CD81: variants seen among roughly 807,000 people sequenced by gnomAD.
The protein encoded by CD81 is CD81 molecule, also known as CD81 antigen.
In CD81, 10 loss-of-function variants were observed where a neutral mutation model predicts 30.1. That is an observed-to-expected ratio of 0.33 (90% CI 0.21 to 0.56). The LOEUF (loss-of-function observed/expected upper bound fraction) is 0.56. Ranked by LOEUF, CD81 falls within the 20% of genes least tolerant of loss-of-function variation. The pLI is 0.89. For missense variants in CD81, 263 were observed against 308.7 expected, an observed-to-expected ratio of 0.85 and a Z score of 1.11; for synonymous variants, 147 against 126.4, an observed-to-expected ratio of 1.16 and a Z score of -1.10.
chr11:2,390,482 A>G lies in CD81; in HGVS notation c.137A>G (p.Tyr46Cys). 6.2e-7 allele frequency: 1 copy of G among 1,612,964 alleles called. No individual in the cohort carries two copies. The highest frequency in any genetic ancestry group is 8.5e-7 in the Non-Finnish European group (1 of 1,179,970). The change falls in exon 2 of 8, where the codon TAT (tyrosine) becomes TGT (cysteine). Residue 46 changes from tyrosine (Y) to cysteine (C), a missense_variant. This residue lies in a region of CD81 where 84 missense variants were observed against 98.2 expected (regional missense o/e 0.86). Coordinates refer to ENST00000263645, the MANE Select transcript of CD81 (RefSeq NM_004356.4). ...RHDPQTTNLL[Y>C]LELGDKPAPN... ...GACCCGCAGACCACCAACCTCCTGT[A>G]TCTGGAGCTGGGAGACAAGCCCGCG... is the stretch of plus-strand genomic sequence containing the variant.
chr11:2,379,414 G>A (rs1849664584), intron 1 of CD81, among the ~76,000 whole-genome samples: 1 of 132,568 alleles, frequency 7.5e-6, no homozygotes, highest in African/African-American at 2.9e-5. Context: ...GGACCTGGGG[G>A]TAGGGGCTGA....
At chr11:2,380,526 C>T (rs1849687302) in intron 1 of CD81, among the ~76,000 whole-genome samples, 2 of 152,286 alleles carry the variant, frequency 1.3e-5, no homozygotes, top group African/African-American at 2.4e-5. Context: ...CATGCACCTG[C>T]GCCCTGACCG....
intron 1 of CD81, among the ~76,000 whole-genome samples, chr11:2,381,013 C>CA (rs1849695903): frequency 6.6e-6 from 1 of 152,236 alleles, no homozygotes; most frequent in African/African-American, 2.4e-5. Flanking sequence ...TTTGGCACGT[C>CA]TTTCGCCGTC....
chr11:2,395,361 TG>T, intron 4 of CD81, 54 bp from the exon 5 acceptor site: 4 of 1,306,894 alleles, frequency 3.1e-6, no homozygotes, highest in Non-Finnish European at 4.3e-6. Flanking sequence ...CGGGGCGGGG[TG>T]GGGGCAAGGA....
Position 2,396,684 on chromosome 11 carries a change from C to T in CD81, c.618C>T (p.Gly206=), listed in dbSNP as rs760671692. The T allele has an allele frequency of 1.2e-6, 2 of 1,611,912 alleles. No individual in the cohort carries two copies. Among genetic ancestry groups the T allele is most frequent in the Non-Finnish European group, 1.7e-6 (2 of 1,179,992 alleles). Reference sequence around the variant, plus strand: ...TCTCCGGGAAGCTGTACCTCATCGGCATTGCTGCCATCGTGGTCGCTGTGA... The same window carrying T: ...TCTCCGGGAAGCTGTACCTCATCGGTATTGCTGCCATCGTGGTCGCTGTGA... ...DLFSGKLYLI[G]IAAIVVAVIM... The change falls in exon 7 of 8, where the codon GGC becomes GGT. Residue 206 remains glycine, a synonymous_variant. Coordinates refer to ENST00000263645, the MANE Select transcript of CD81 (RefSeq NM_004356.4).
At chr11:2,395,683 T>C (rs1300920525) in intron 5 of CD81, 163 bp downstream of exon 5, 14 of 748,200 alleles carry the variant, frequency 1.9e-5, no homozygotes, top group Non-Finnish European at 3.2e-5. Context: ...GGGAACCTAG[T>C]GGGCCAGGGT....
In CD81 at chr11:2,395,337, G is replaced by A. The variant is rs543254273; in HGVS notation, c.355-79G>A. The A allele has an allele frequency of 3.4e-6, 4 of 1,169,380 alleles. No homozygotes were observed. The South Asian group carries it at 3.9e-5, about 11-fold the overall frequency. 72.4% of individuals were successfully genotyped at this position (1,169,380 alleles called of 1,614,324 possible). A position where few individuals can be genotyped will look rare whatever the true frequency, so the allele number is the denominator to read the frequency against. On this transcript the variant is annotated intron_variant, in intron 4 of 7. Transcript: ENST00000263645. ...TGCCCAGGGAGAGCCTGGGAAAAGT[G>A]CGTCCGCCTGGGGCGGGGCGGGGTG...
chr11:2,388,653 A>G lies in CD81; in HGVS notation c.67-1759A>G, dbSNP rs990803892. ...CTGCCTGGCACCCAGCTGGTGGCAGAGCCAAGCATTCCGACTCAGCTCTGG... is the reference window on the plus strand; with the variant it reads ...CTGCCTGGCACCCAGCTGGTGGCAGGGCCAAGCATTCCGACTCAGCTCTGG... On this transcript the variant is annotated intron_variant, in intron 1 of 7. Coordinates refer to ENST00000263645, the MANE Select transcript of CD81 (RefSeq NM_004356.4). Among the ~76,000 whole-genome samples, 7 of 152,216 alleles carry G rather than the reference A, an allele frequency of 4.6e-5. No individual in the cohort carries two copies. The South Asian group carries it at 1.4e-3, about 31-fold the overall frequency.
intron 4 of CD81, 44 bp downstream of exon 4, chr11:2,395,090 G>T: frequency 4.0e-6 from 6 of 1,488,268 alleles, no homozygotes; most frequent in African/African-American, 1.4e-5. Flanking sequence ...GGTGACGGGG[G>T]CACCCTCCTC....
intron 1 of CD81, among the ~76,000 whole-genome samples, chr11:2,389,388 G>A (rs899016532): frequency 6.6e-6 from 1 of 152,198 alleles, no homozygotes; most frequent in Non-Finnish European, 1.5e-5. Flanking sequence ...ACCACCAGAG[G>A]GCTGGGCACT....
Position 2,394,103 on chromosome 11 carries a change from A to G in CD81, c.190A>G (p.Ile64Val). 2 of 1,612,608 alleles carry G rather than the reference A, an allele frequency of 1.2e-6. No individual in the cohort carries two copies. The highest frequency in any genetic ancestry group is 1.7e-6 in the Non-Finnish European group (2 of 1,179,442). ...GTCTCTCTCCCCGCAAGGCATCTAC[A>G]TCCTCATCGCTGTGGGCGCTGTCAT... ...APNTFYVGIY[I>V]LIAVGAVMMF... Residue 64 changes from isoleucine to valine, a missense_variant, in exon 3 of 8, where the codon ATC (isoleucine) becomes GTC (valine). By Grantham distance (29) the Ile-to-Val change is conservative. Coordinates refer to ENST00000263645, the MANE Select transcript of CD81 (RefSeq NM_004356.4).
intron 3 of CD81, among the ~76,000 whole-genome samples, chr11:2,394,681 C>G (rs1204203985): frequency 6.6e-6 from 1 of 152,202 alleles, no homozygotes; most frequent in Non-Finnish European, 1.5e-5. Context: ...CTGCAGACAT[C>G]CTGGACTCAC....
rs1439903092 is a variant in CD81 at position 2,377,447 on chromosome 11, GCCCGCCAGGCCCCCTTGCCGGCCA to G, written c.-89_-66del. On this transcript the variant is annotated 5_prime_UTR_variant, in exon 1 of 8. Coordinates refer to ENST00000263645, the MANE Select transcript of CD81 (RefSeq NM_004356.4). The surrounding 1 kb of genome is among the most constrained non-coding windows in gnomAD (Gnocchi z 7.7). ...CCTTTCTTCGCGCCCCCGCCCCTCG[GCCCGCCAGGCCCCCTTGCCGGCCA>G]CCCGCCAGGCCCCGCGCCGGCCCGC... 18 of 268,094 alleles carry G rather than the reference GCCCGCCAGGCCCCCTTGCCGGCCA, an allele frequency of 6.7e-5. No individual in the cohort carries two copies. Among genetic ancestry groups the G allele is most frequent in the African/African-American group, 1.4e-4 (6 of 42,676 alleles). 16.6% of individuals were successfully genotyped at this position (268,094 alleles called of 1,614,324 possible). A position where few individuals can be genotyped will look rare whatever the true frequency, so the allele number is the denominator to read the frequency against.
chr11:2,390,459 CCCG>C lies in CD81; in HGVS notation c.116_118del (p.Pro39del). On this transcript the variant is annotated inframe_deletion, in exon 2 of 8. Transcript: ENST00000263645. The stretch of plus-strand genomic sequence containing the variant: ...GTGTGGCCCTGTGGCTCCGCCATGA[CCCG>C]CAGACCACCAACCTCCTGTATCTGG... 6.2e-7 allele frequency: 1 copy of C among 1,612,960 alleles called. No individual in the cohort carries two copies. Among genetic ancestry groups the C allele is most frequent in the Non-Finnish European group, 8.5e-7 (1 of 1,180,006 alleles).
chr11:2,395,142 G>T (rs1849973492), intron 4 of CD81, 96 bp downstream of exon 4: 3 of 1,042,300 alleles, frequency 2.9e-6, no homozygotes, highest in Non-Finnish European at 3.0e-6. Flanking sequence ...TGGCTTGTGG[G>T]AGCTCTTTGG....
chr11:2,390,886 A>C (rs1589851121), intron 2 of CD81, among the ~76,000 whole-genome samples: 1 of 75,560 alleles, frequency 1.3e-5, no homozygotes, highest in East Asian at 3.9e-4. Context: ...GGAGCCCGGG[A>C]GGGAGGGAGG....
Position 2,394,102 on chromosome 11 carries a change from C to T in CD81, c.189C>T (p.Tyr63=). 6.2e-7 allele frequency: 1 copy of T among 1,612,740 alleles called. No homozygotes were observed. The highest frequency in any genetic ancestry group is 8.5e-7 in the Non-Finnish European group (1 of 1,179,398). The change falls in exon 3 of 8, where the codon TAC becomes TAT. Residue 63 remains tyrosine (Y), a synonymous_variant. Transcript: ENST00000263645. ...PAPNTFYVGI[Y]ILIAVGAVMM... ...TGTCTCTCTCCCCGCAAGGCATCTA[C>T]ATCCTCATCGCTGTGGGCGCTGTCA...
chr11:2,395,350 G>A, intron 4 of CD81, 66 bp from the exon 5 acceptor site: 3 of 1,308,800 alleles, frequency 2.3e-6, no homozygotes, highest in South Asian at 2.5e-5. Context: ...TCCGCCTGGG[G>A]CGGGGCGGGG....
intron 1 of CD81, chr11:2,386,717 A>T: frequency 1.4e-6 from 1 of 695,488 alleles, no homozygotes; most frequent in Non-Finnish European, 2.7e-6. Flanking sequence ...TACTTCTGGT[A>T]GCCTCGGGGA....
Sources: gnomAD v4.1 joint callset for allele counts (sites outside exome capture counted in the v4.1 genomes callset) on GRCh38, gnomAD v4.1.1 for gene constraint, gnomAD v4.1.1 regional missense constraint, Gnocchi (gnomAD v3.1) non-coding constraint, MANE v1.5 for transcripts, NCBI Gene and HGNC (gene_info 2026-07-23, HGNC 2026-07-21) for gene names.